Variants in HFE observed in about 807,000 individuals in gnomAD.
HFE encodes the protein homeostatic iron regulator, also known as hereditary hemochromatosis protein.
HFE carries 36 observed loss-of-function variants against 40.9 expected under a neutral mutation model. The ratio of observed to expected loss-of-function variants is 0.88; its 90% confidence interval spans 0.67 to 1.16. The LOEUF is 1.16. Among genes scored for constraint, HFE ranks in the 50% most tolerant of loss-of-function variants. HFE has a pLI of 0.00. For missense variants in HFE, 376 were observed against 432.0 expected (o/e 0.87, Z 1.15); for synonymous variants, 157 against 165.4 (o/e 0.95, Z 0.39).
In HFE at chr6:26,095,006, C is replaced by T. The variant is rs1762958562; in HGVS notation, c.*780C>T. 6.4e-6 allele frequency: 1 copy of T among 155,520 alleles called. No homozygotes were observed. Among genetic ancestry groups the T allele is most frequent in the African/African-American group, 2.4e-5 (1 of 41,436 alleles). 9.6% of individuals were successfully genotyped at this position (155,520 alleles called of 1,614,324 possible). A position where few individuals can be genotyped will look rare whatever the true frequency, so the allele number is the denominator to read the frequency against. On this transcript the variant is annotated 3_prime_UTR_variant, in exon 6 of 6. Coordinates refer to ENST00000357618, the MANE Select transcript of HFE (RefSeq NM_000410.4). ...TGGGATGCTACTCTAGTATTCCAGACCTGAAGAATCACAATAATTTTCTAC... is the reference window on the plus strand; with the variant it reads ...TGGGATGCTACTCTAGTATTCCAGATCTGAAGAATCACAATAATTTTCTAC...
intron 1 of HFE, among the ~76,000 whole-genome samples, chr6:26,090,551 C>T (rs1041076935): frequency 6.6e-6 from 1 of 150,510 alleles, no homozygotes; most frequent in African/African-American, 2.4e-5. Flanking sequence ...TGGCTAGACA[C>T]ACCTTAACAT....
At chr6:26,089,119 GGC>G (rs1762494398) in intron 1 of HFE, among the ~76,000 whole-genome samples, 1 of 144,230 alleles carries the variant, frequency 6.9e-6, no homozygotes, top group African/African-American at 2.6e-5. Flanking sequence ...GGGGGGGGGG[GGC>G]GGCGTGGGGG....
chr6:26,092,945 C>G lies in HFE; in HGVS notation c.877C>G (p.Leu293Val). 2 of 1,614,072 alleles carry G rather than the reference C, an allele frequency of 1.2e-6. No individual in the cohort carries two copies. The highest frequency in any genetic ancestry group is 8.5e-7 in the Non-Finnish European group (1 of 1,180,026). Reference sequence around the variant, plus strand: ...GGAGCACCCAGGCCTGGATCAGCCCCTCATTGTGATCTGGGGTATGTGACT... The same window carrying G: ...GGAGCACCCAGGCCTGGATCAGCCCGTCATTGTGATCTGGGGTATGTGACT... Reference protein sequence around the residue: ...QVEHPGLDQPLIVIWEPSPSG... With the variant: ...QVEHPGLDQPVIVIWEPSPSG... The change falls in exon 4 of 6, where the codon CTC (leucine) becomes GTC (valine). Residue 293 changes from leucine to valine, a missense_variant. This residue lies in a region of HFE where 173 missense variants were observed against 186.9 expected (regional missense o/e 0.93). Coordinates refer to ENST00000357618, the MANE Select transcript of HFE (RefSeq NM_000410.4).
intron 3 of HFE, among the ~76,000 whole-genome samples, chr6:26,091,900 C>T (rs1422372117): frequency 6.6e-6 from 1 of 151,894 alleles, no homozygotes; most frequent in Non-Finnish European, 1.5e-5. Flanking sequence ...ATGTCAAGGC[C>T]GGGCACGGTG....
In HFE at chr6:26,095,443, T is replaced by G. The variant is rs1317485145; in HGVS notation, c.*1217T>G. ...GGCAGAGCTTGCAGTGAGCCGAGTT[T>G]GCGCCACTGCACTCCAGCCTAGGTG... On this transcript the variant is annotated 3_prime_UTR_variant, in exon 6 of 6. Transcript: ENST00000357618. 1 of 151,614 alleles carries G rather than the reference T, an allele frequency of 6.6e-6. No homozygotes were observed. Among genetic ancestry groups the G allele is most frequent in the Non-Finnish European group, 1.5e-5 (1 of 67,962 alleles). The allele number at this position is 151,614 out of a possible 1,614,324, so 9.4% of individuals were successfully genotyped here. A position where few individuals can be genotyped will look rare whatever the true frequency, so the allele number is the denominator to read the frequency against.
chr6:26,093,150 A>C lies in HFE; in HGVS notation c.924A>C (p.Gly308=). The C allele has an allele frequency of 6.2e-7, 1 of 1,614,086 alleles. No individual in the cohort carries two copies. Among genetic ancestry groups the C allele is most frequent in the Non-Finnish European group, 8.5e-7 (1 of 1,180,008 alleles). ...CACCGTCTGGCACCCTAGTCATTGG[A>C]GTCATCAGTGGAATTGCTGTTTTTG... ...EPSPSGTLVI[G]VISGIAVFVV... Residue 308 remains glycine (G), a synonymous_variant, in exon 5 of 6, where the codon GGA becomes GGC. Transcript: ENST00000357618.
chr6:26,089,104 T>TGGGG (rs1762482257), intron 1 of HFE, among the ~76,000 whole-genome samples: 2 of 17,670 alleles, frequency 1.1e-4, no homozygotes, highest in Middle Eastern at 0.062. Context: ...CATGTGTGTG[T>TGGGG]GTGTGGGGGG....
At chr6:26,089,135 G>GGGGGGGGGGA (rs1762499240) in intron 1 of HFE, among the ~76,000 whole-genome samples, 1 of 91,086 alleles carries the variant, frequency 1.1e-5, no homozygotes, top group African/African-American at 4.1e-5. Flanking sequence ...GTGGGGGTGG[G>GGGGGGGGGGA]AAGGGGGACT....
chr6:26,092,760 A>G lies in HFE; in HGVS notation c.692A>G (p.Tyr231Cys), dbSNP rs1167115018. The change falls in exon 4 of 6, where the codon TAC (tyrosine) becomes TGC (cysteine). Residue 231 changes from tyrosine to cysteine, a missense_variant. By Grantham distance (194) the Tyr-to-Cys change is radical. Coordinates refer to ENST00000357618, the MANE Select transcript of HFE (RefSeq NM_000410.4). ...TTLRCRALNY[Y>C]PQNITMKWLK... ...CTACGGTGTCGGGCCTTGAACTACTACCCCCAGAACATCACCATGAAGTGG... is the reference window on the plus strand; with the variant it reads ...CTACGGTGTCGGGCCTTGAACTACTGCCCCCAGAACATCACCATGAAGTGG... 5 of 1,613,884 alleles carry G rather than the reference A, an allele frequency of 3.1e-6. No individual in the cohort carries two copies. The South Asian group carries it at 3.3e-5, about 11-fold the overall frequency.
chr6:26,096,753 A>C lies in HFE; in HGVS notation c.*2527A>C, dbSNP rs1289740106. The C allele has an allele frequency of 2.7e-6, 1 of 369,878 alleles. No individual in the cohort carries two copies. The highest frequency in any genetic ancestry group is 3.7e-5 in the Admixed American group (1 of 26,918). 22.9% of individuals were successfully genotyped at this position (369,878 alleles called of 1,614,324 possible). The stretch of plus-strand genomic sequence containing the variant: ...TTAATTAGCCAGTGAAAAACTATTA[A>C]CAACTTGTCTATTACCTGTTAGTAT... On this transcript the variant is annotated 3_prime_UTR_variant, in exon 6 of 6. Coordinates refer to ENST00000357618, the MANE Select transcript of HFE (RefSeq NM_000410.4).
At chr6:26,092,551 T>A in intron 3 of HFE, 134 bp from the exon 4 acceptor site, 1 of 1,509,222 alleles carries the variant, frequency 6.6e-7, no homozygotes, top group Non-Finnish European at 9.1e-7. Flanking sequence ...CACAAAATGG[T>A]GTCTCTCCTG....
In HFE at chr6:26,090,895, T is replaced by C; in HGVS notation, c.131T>C (p.Leu44Pro). 6.2e-7 allele frequency: 1 copy of C among 1,614,202 alleles called. No homozygotes were observed. The highest frequency in any genetic ancestry group is 1.1e-5 in the South Asian group (1 of 91,084). Residue 44 changes from leucine (L) to proline (P), a missense_variant, in exon 2 of 6, where the codon CTT becomes CCT. Physicochemically the swap from Leu to Pro is moderately conservative, Grantham distance 98. Coordinates refer to ENST00000357618, the MANE Select transcript of HFE (RefSeq NM_000410.4). ...GGTGCCTCAGAGCAGGACCTTGGTC[T>C]TTCCTTGTTTGAAGCTTTGGGCTAC... is the stretch of plus-strand genomic sequence containing the variant. Reference protein sequence around the residue: ...FMGASEQDLGLSLFEALGYVD... With the variant: ...FMGASEQDLGPSLFEALGYVD...
intron 1 of HFE, among the ~76,000 whole-genome samples, chr6:26,088,495 T>C (rs897704118): frequency 7.2e-5 from 11 of 152,244 alleles, no homozygotes; most frequent in Non-Finnish European, 1.6e-4. Context: ...CTTCTAATCT[T>C]AGTTGACAGT....
Position 26,093,180 on chromosome 6 carries a change from C to A in HFE, c.954C>A (p.Val318=). ...GVISGIAVFV[V]ILFIGILFII... is the part of the protein sequence containing the mutation. ...TCAGTGGAATTGCTGTTTTTGTCGT[C>A]ATCTTGTTCATTGGAATTTTGTTCA... The change falls in exon 5 of 6, where the codon GTC becomes GTA. Residue 318 remains valine (V), a synonymous_variant. Coordinates refer to ENST00000357618, the MANE Select transcript of HFE (RefSeq NM_000410.4). 6.2e-7 allele frequency: 1 copy of A among 1,614,094 alleles called. No individual in the cohort carries two copies. Among genetic ancestry groups the A allele is most frequent in the Non-Finnish European group, 8.5e-7 (1 of 1,179,990 alleles).
intron 1 of HFE, among the ~76,000 whole-genome samples, chr6:26,089,673 G>C (rs1160369875): frequency 6.6e-6 from 1 of 152,114 alleles, no homozygotes; most frequent in Non-Finnish European, 1.5e-5. Flanking sequence ...GGGTGTAGTA[G>C]CTCATGCCAA....
chr6:26,087,970 G>T (rs1762404314), intron 1 of HFE, among the ~76,000 whole-genome samples: 2 of 152,218 alleles, frequency 1.3e-5, no homozygotes, highest in Non-Finnish European at 2.9e-5. Flanking sequence ...CCCACAGCAG[G>T]ATCCGCACGG....
At position 26,096,937 on chromosome 6, in the gene HFE, C is replaced by T. The variant is rs62626262; in HGVS notation, c.*2711C>T. ...TCTAATTTCTTTACATTTTGTCTTA[C>T]GGAATATTTTCATTCAACTGTGGTA... On this transcript the variant is annotated 3_prime_UTR_variant, in exon 6 of 6. Transcript: ENST00000357618. The T allele has an allele frequency of 2.1e-3, 437 of 212,720 alleles. 4 individuals carry two copies. Among genetic ancestry groups the T allele is most frequent in the African/African-American group, 1.0e-2 (419 of 42,106 alleles). 13.2% of individuals were successfully genotyped at this position (212,720 alleles called of 1,614,324 possible).
rs1561945896 is a variant in HFE at position 26,096,610 on chromosome 6, A to T, written c.*2384A>T. 2.2e-6 allele frequency: 1 copy of T among 454,448 alleles called. No individual in the cohort carries two copies. The highest frequency in any genetic ancestry group is 4.4e-6 in the Non-Finnish European group (1 of 226,464). The allele number at this position is 454,448 out of a possible 1,614,324, so 28.2% of individuals were successfully genotyped here. A position where few individuals can be genotyped will look rare whatever the true frequency, so the allele number is the denominator to read the frequency against. On this transcript the variant is annotated 3_prime_UTR_variant, in exon 6 of 6. Coordinates refer to ENST00000357618, the MANE Select transcript of HFE (RefSeq NM_000410.4). ...CATTAAATTTTAGCAAAGATATCTCATCTCTTCTTTTAAACCATTTTCTTT... is the reference window on the plus strand; with the variant it reads ...CATTAAATTTTAGCAAAGATATCTCTTCTCTTCTTTTAAACCATTTTCTTT...
intron 5 of HFE, among the ~76,000 whole-genome samples, chr6:26,093,966 T>C (rs1200701696): frequency 6.6e-6 from 1 of 152,100 alleles, no homozygotes; most frequent in African/African-American, 2.4e-5. Context: ...GACCACGATC[T>C]CCCTTATATG....
Sources: allele counts gnomAD v4.1 joint callset (sites outside exome capture counted in the v4.1 genomes callset), GRCh38; gene constraint gnomAD v4.1.1; regional missense constraint gnomAD v4.1.1; transcripts MANE v1.5; gene names NCBI Gene and HGNC (gene_info 2026-07-23, HGNC 2026-07-21).